The following RNF150 variants were observed in gnomAD, a reference collection of about 807,000 sequenced individuals.
RNF150 encodes ring finger protein 150.
RNF150 carries 24 observed loss-of-function variants against 39.3 expected under a neutral mutation model. The ratio of observed to expected loss-of-function variants is 0.61; its 90% CI spans 0.44 to 0.86. The LOEUF (loss-of-function observed/expected upper bound fraction) is 0.86, where lower values mean the gene tolerates loss of function less well. Among genes scored for constraint, RNF150 ranks in the 40% least tolerant of loss-of-function variants. The pLI is 0.00. For missense variants in RNF150, 502 were observed against 587.8 expected, an observed-to-expected ratio of 0.85 and a Z score of 1.51; for synonymous variants, 255 against 227.3, an observed-to-expected ratio of 1.12 and a Z score of -1.10.
chr4:140,967,959 C>T (rs1323779618), intron 1 of RNF150, 86 bp from the exon 2 acceptor site: 10 of 1,205,226 alleles, frequency 8.3e-6, no homozygotes, highest in South Asian at 1.4e-5. Context: ...CACAGTAACA[C>T]GAAACCAAAT....
At chr4:141,080,176 G>A (rs1738095965) in intron 1 of RNF150, among the ~76,000 whole-genome samples, 1 of 152,214 alleles carries the variant, frequency 6.6e-6, no homozygotes, top group African/African-American at 2.4e-5. Context: ...AGCTGTGACA[G>A]GAAGATTTAC....
chr4:140,923,975 G>A (rs1731274747), intron 5 of RNF150, among the ~76,000 whole-genome samples: 1 of 151,888 alleles, frequency 6.6e-6, no homozygotes, highest in Admixed American at 6.6e-5. Flanking sequence ...CTGTTGTGGG[G>A]TGGGGGAAGG....
chr4:141,190,133 C>T (rs946305342), intron 1 of RNF150, among the ~76,000 whole-genome samples: 1 of 152,300 alleles, frequency 6.6e-6, no homozygotes, highest in Admixed American at 6.5e-5. Flanking sequence ...CCACCCTGCT[C>T]TGCTTGCCCT....
intron 1 of RNF150, among the ~76,000 whole-genome samples, chr4:141,159,290 T>C (rs1442012191): frequency 6.6e-6 from 1 of 152,188 alleles, no homozygotes; most frequent in Non-Finnish European, 1.5e-5. Context: ...ATGTAATCAG[T>C]GAATGTGGCT....
intron 1 of RNF150, among the ~76,000 whole-genome samples, chr4:141,086,027 TAC>T (rs10527153): frequency 0.08 from 11,264 of 139,946 alleles, 547 homozygotes; most frequent in African/African-American, 0.15. Flanking sequence ...TGAGAAGAGT[TAC>T]ACACACACAC....
At chr4:141,102,006 T>C (rs1476669950) in intron 1 of RNF150, among the ~76,000 whole-genome samples, 3 of 152,078 alleles carry the variant, frequency 2.0e-5, no homozygotes, top group Admixed American at 6.5e-5. Flanking sequence ...GGTCTCGAAC[T>C]CCTGACCTCA....
chr4:141,077,742 G>A (rs1737947570), intron 1 of RNF150, among the ~76,000 whole-genome samples: 1 of 152,158 alleles, frequency 6.6e-6, no homozygotes, highest in Admixed American at 6.6e-5. Context: ...CTAGGGTTCT[G>A]ACTACAAACA....
chr4:141,027,608 T>C (rs759760597), intron 1 of RNF150, among the ~76,000 whole-genome samples: 80 of 152,176 alleles, frequency 5.3e-4, no homozygotes, highest in Admixed American at 1.1e-3. Flanking sequence ...GACGAGTATG[T>C]GCCACTTCCC....
chr4:140,994,430 T>G (rs1162965798), intron 1 of RNF150, among the ~76,000 whole-genome samples: 1 of 152,152 alleles, frequency 6.6e-6, no homozygotes, highest in Non-Finnish European at 1.5e-5. Flanking sequence ...TTATTTATGA[T>G]AAATATTGAT....
At chr4:141,134,771 A>C (rs1177242859), upstream of RNF150, among the ~76,000 whole-genome samples, 1 of 152,222 alleles carries the variant, frequency 6.6e-6, no homozygotes, top group African/African-American at 2.4e-5. Flanking sequence ...ACTGCCAAGG[A>C]GGCAAAAGTG....
At chr4:141,107,719 A>G (rs1739259304) in intron 1 of RNF150, among the ~76,000 whole-genome samples, 1 of 152,184 alleles carries the variant, frequency 6.6e-6, no homozygotes, top group African/African-American at 2.4e-5. Context: ...TTATCTGTAT[A>G]CTACCCTCCT....
At chr4:141,208,510 G>A (rs1728412953) in intron 1 of RNF150, among the ~76,000 whole-genome samples, 1 of 152,204 alleles carries the variant, frequency 6.6e-6, no homozygotes, top group South Asian at 2.1e-4. Flanking sequence ...CCATCACCCT[G>A]TCAGGATATT....
chr4:141,047,690 C>T (rs1408388573), intron 1 of RNF150, among the ~76,000 whole-genome samples: 4 of 152,034 alleles, frequency 2.6e-5, no homozygotes, highest in Admixed American at 2.6e-4. Context: ...CAGGATTTTC[C>T]AAGGATCACA....
intron 1 of RNF150, among the ~76,000 whole-genome samples, chr4:141,010,196 T>G (rs1189027715): frequency 6.6e-6 from 1 of 152,230 alleles, no homozygotes. Flanking sequence ...CTGCCTTTAT[T>G]ATGAAAATTT....
intron 1 of RNF150, among the ~76,000 whole-genome samples, chr4:141,174,825 A>C (rs141563282): frequency 8.9e-4 from 135 of 151,414 alleles, no homozygotes; most frequent in African/African-American, 3.2e-3. Context: ...TTAAAAACAG[A>C]CTTTTCTGCC....
chr4:141,052,196 CA>C (rs1332882581), intron 1 of RNF150, among the ~76,000 whole-genome samples: 2 of 152,016 alleles, frequency 1.3e-5, no homozygotes, highest in African/African-American at 4.8e-5. Flanking sequence ...AGTTACAATT[CA>C]AGACGAGATT....
intron 1 of RNF150, among the ~76,000 whole-genome samples, chr4:141,088,796 T>C (rs914023192): frequency 2.0e-5 from 3 of 151,956 alleles, no homozygotes; most frequent in Non-Finnish European, 4.4e-5. Flanking sequence ...AAATCCTTAC[T>C]AGGCTTCTAC....
chr4:140,890,252 T>C (rs991448889), intron 6 of RNF150, among the ~76,000 whole-genome samples: 3 of 152,226 alleles, frequency 2.0e-5, no homozygotes, highest in Non-Finnish European at 2.9e-5. Context: ...TTTTTCCTTA[T>C]CTTGTTTTCA....
intron 6 of RNF150, among the ~76,000 whole-genome samples, chr4:140,881,614 C>T (rs1345401782): frequency 1.3e-5 from 2 of 151,848 alleles, no homozygotes; most frequent in Non-Finnish European, 1.5e-5. Context: ...GGGGCTCATG[C>T]CTGTAAACTC....
Sources: allele counts gnomAD v4.1 joint callset (sites outside exome capture counted in the v4.1 genomes callset), GRCh38; gene constraint gnomAD v4.1.1; transcripts MANE v1.5; gene names NCBI Gene and HGNC (gene_info 2026-07-23, HGNC 2026-07-21).